Variants in TRPC6 observed in about 807,000 individuals in gnomAD.
TRPC6 encodes short transient receptor potential channel 6.
TRPC6 carries 55 observed loss-of-function variants against 90.7 expected under a neutral mutation model. That is an observed-to-expected ratio of 0.61 (90% CI 0.49 to 0.76). The LOEUF is 0.76. TRPC6 is among the 30% of genes least tolerant of loss of function. TRPC6 has a pLI of 0.00. For missense variants in TRPC6, 989 were observed against 1,122.7 expected (o/e 0.88, Z 1.70); for synonymous variants, 393 against 393.0 (o/e 1.00, Z 0.00).
chr11:101,534,528 C>G (rs928181069), intron 1 of TRPC6, among the ~76,000 whole-genome samples: 1 of 151,436 alleles, frequency 6.6e-6, no homozygotes, highest in Non-Finnish European at 1.5e-5. Flanking sequence ...AAACATAATC[C>G]TAAAACAAAT....
chr11:101,455,793 A>ATACTT (rs1313667099), intron 10 of TRPC6, among the ~76,000 whole-genome samples: 2 of 152,156 alleles, frequency 1.3e-5, no homozygotes, highest in Non-Finnish European at 2.9e-5. Context: ...CTTTGCTTTG[A>ATACTT]TACTTTAAAT....
At chr11:101,576,205 C>A (rs1862066605) in intron 1 of TRPC6, among the ~76,000 whole-genome samples, 3 of 152,168 alleles carry the variant, frequency 2.0e-5, no homozygotes, top group African/African-American at 7.2e-5. Context: ...GATCAAATTA[C>A]ATTTGTATGA....
intron 3 of TRPC6, among the ~76,000 whole-genome samples, chr11:101,489,826 G>A (rs1438213646): frequency 6.6e-6 from 1 of 152,096 alleles, no homozygotes; most frequent in East Asian, 1.9e-4. Context: ...AGAACTACAA[G>A]TGAATCTTAA....
chr11:101,546,104 G>A (rs564663461), intron 1 of TRPC6, among the ~76,000 whole-genome samples: 1 of 46,896 alleles, frequency 2.1e-5, no homozygotes, highest in African/African-American at 9.8e-5. Flanking sequence ...TCGCTCTGTC[G>A]CCCAGGCCGG....
rs540998111 is a variant in TRPC6, at chr11:101,485,717, A to G, written c.1294-2552T>C. On this transcript the variant is annotated intron_variant, in intron 4 of 12. Transcript: ENST00000344327. ...AGAATAAGAAGCAGCTTTCAAGGACATCATACAGTAGAGCGTAAATTAAAG... is the reference window on the plus strand; with the variant it reads ...AGAATAAGAAGCAGCTTTCAAGGACGTCATACAGTAGAGCGTAAATTAAAG... 7.2e-5 allele frequency among the ~76,000 whole-genome samples: 11 copies of G among 152,310 alleles called. No homozygotes were observed. The East Asian group carries it at 1.2e-3, about 16-fold the overall frequency.
intron 1 of TRPC6, among the ~76,000 whole-genome samples, chr11:101,511,377 TC>T (rs1860389497): frequency 6.6e-6 from 1 of 152,086 alleles, no homozygotes; most frequent in African/African-American, 2.4e-5. Flanking sequence ...AATTCACCCC[TC>T]TTTGCAGAGG....
intron 10 of TRPC6, among the ~76,000 whole-genome samples, chr11:101,464,668 T>G (rs1446770200): frequency 6.6e-6 from 1 of 152,190 alleles, no homozygotes; most frequent in African/African-American, 2.4e-5. Flanking sequence ...ATCCCTTTAT[T>G]TTGAGCCTAT....
At chr11:101,560,995 T>C (rs957309494) in intron 1 of TRPC6, among the ~76,000 whole-genome samples, 6 of 152,198 alleles carry the variant, frequency 3.9e-5, no homozygotes, top group Non-Finnish European at 8.8e-5. Context: ...TCCAGTTTAA[T>C]ACCATGTCTT....
chr11:101,580,104 T>G (rs567643389), intron 1 of TRPC6, among the ~76,000 whole-genome samples: 40 of 152,278 alleles, frequency 2.6e-4, no homozygotes, highest in Non-Finnish European at 4.3e-4. Flanking sequence ...GAATTGCCAG[T>G]GCTTTAGTTT....
intron 1 of TRPC6, among the ~76,000 whole-genome samples, chr11:101,507,003 TCTAACA>T (rs1360080239): frequency 7.9e-6 from 1 of 126,098 alleles, no homozygotes; most frequent in Non-Finnish European, 1.6e-5. Context: ...TCTCTCTCTC[TCTAACA>T]CACACACACA....
intron 1 of TRPC6, among the ~76,000 whole-genome samples, chr11:101,509,947 C>T (rs10791492): frequency 0.49 from 74,574 of 151,874 alleles, 18,715 homozygotes; most frequent in African/African-American, 0.55. Context: ...TTTTTGATTA[C>T]TTTAGGAATA....
chr11:101,562,334 A>G (rs1861732235), intron 1 of TRPC6, among the ~76,000 whole-genome samples: 1 of 150,320 alleles, frequency 6.7e-6, no homozygotes, highest in African/African-American at 2.5e-5. Flanking sequence ...TGTATTTAGT[A>G]TATAATTTAG....
chr11:101,460,008 G>C (rs1247011043), intron 10 of TRPC6, among the ~76,000 whole-genome samples: 1 of 152,166 alleles, frequency 6.6e-6, no homozygotes, highest in Non-Finnish European at 1.5e-5. Context: ...ATGAATTGCT[G>C]AAGGGGCAGA....
chr11:101,528,036 G>A (rs1039851908), intron 1 of TRPC6, among the ~76,000 whole-genome samples: 3 of 152,074 alleles, frequency 2.0e-5, no homozygotes, highest in African/African-American at 7.2e-5. Flanking sequence ...TCGTGCCACT[G>A]CACTCCAGCC....
chr11:101,522,703 C>T (rs946735404), intron 1 of TRPC6, among the ~76,000 whole-genome samples: 1 of 151,970 alleles, frequency 6.6e-6, no homozygotes, highest in Non-Finnish European at 1.5e-5. Flanking sequence ...ATTTATTTTC[C>T]CCCAAAATAT....
chr11:101,505,630 CA>C (rs2136745789), intron 1 of TRPC6, among the ~76,000 whole-genome samples: 1 of 152,138 alleles, frequency 6.6e-6, no homozygotes, highest in East Asian at 1.9e-4. Context: ...AAATTATAAT[CA>C]AGTTGTCAGG....
chr11:101,535,623 A>G (rs370910687), intron 1 of TRPC6, among the ~76,000 whole-genome samples: 17 of 152,314 alleles, frequency 1.1e-4, no homozygotes, highest in African/African-American at 4.1e-4. Flanking sequence ...ATCCCTGATA[A>G]TAGACTGTTT....
chr11:101,512,865 A>G (rs1244705478), intron 1 of TRPC6, among the ~76,000 whole-genome samples: 1 of 151,946 alleles, frequency 6.6e-6, no homozygotes, highest in Non-Finnish European at 1.5e-5. Flanking sequence ...AATCATGTGT[A>G]TTACACAAGC....
chr11:101,484,769 T>A (rs1374666384), intron 4 of TRPC6, among the ~76,000 whole-genome samples: 1 of 152,016 alleles, frequency 6.6e-6, no homozygotes, highest in Non-Finnish European at 1.5e-5. Context: ...CATCTTCCCA[T>A]ATACTTTAAA....
Sources: gnomAD v4.1 joint callset for allele counts (sites outside exome capture counted in the v4.1 genomes callset) on GRCh38, gnomAD v4.1.1 for gene constraint, MANE v1.5 for transcripts, NCBI Gene and HGNC (gene_info 2026-07-23, HGNC 2026-07-21) for gene names.